TCF25: variants seen among roughly 807,000 people sequenced by gnomAD.
TCF25 encodes ribosome quality control complex subunit TCF25.
Under a neutral mutation model 83.1 loss-of-function variants are expected in TCF25, and 41 were observed. The observed-to-expected ratio is 0.49, with a 90% CI of 0.38 to 0.64. The LOEUF is 0.64. TCF25 is among the 30% of genes least tolerant of loss of function. The pLI is 0.00. For synonymous variants in TCF25, 458 were observed against 365.0 expected (o/e 1.25, Z -2.90); for missense variants, 979 against 914.5 (o/e 1.07, Z -0.91).
intron 1 of TCF25, chr16:89,874,757 T>G (rs1217994405): frequency 6.6e-6 from 1 of 151,190 alleles, no homozygotes; most frequent in Non-Finnish European, 1.5e-5. Context: ...CAGGTGGATG[T>G]CACCACGCCC....
At chr16:89,897,947 C>T (rs562555231) in intron 9 of TCF25, among the ~76,000 whole-genome samples, 1 of 152,102 alleles carries the variant, frequency 6.6e-6, no homozygotes, top group African/African-American at 2.4e-5. Flanking sequence ...ACTAAAAATA[C>T]AAAAAATCAG....
intron 17 of TCF25, among the ~76,000 whole-genome samples, 161 bp downstream of exon 17, chr16:89,910,824 G>A (rs561308200): frequency 2.2e-4 from 33 of 152,364 alleles, no homozygotes; most frequent in African/African-American, 7.2e-4. Context: ...CCATTCTGCC[G>A]GGGAAACTGG....
At chr16:89,910,522 C>A in intron 16 of TCF25, 69 bp from the exon 17 acceptor site, 1 of 1,552,898 alleles carries the variant, frequency 6.4e-7, no homozygotes, top group Non-Finnish European at 8.9e-7. Flanking sequence ...CAGGCAGCCC[C>A]GTGAGCCGGG....
At chr16:89,886,167 C>T in intron 4 of TCF25, 1 of 568,284 alleles carries the variant, frequency 1.8e-6, no homozygotes, top group South Asian at 1.6e-5. Context: ...GTGGCTCACG[C>T]CTGTAATCCC....
At chr16:89,907,994 C>T (rs2045079440) in intron 16 of TCF25, among the ~76,000 whole-genome samples, 1 of 143,646 alleles carries the variant, frequency 7.0e-6, no homozygotes, top group Non-Finnish European at 1.5e-5. Flanking sequence ...TCCCGCCTCC[C>T]ACCTCCCAGC....
chr16:89,895,450 C>G (rs2043776238), intron 8 of TCF25, among the ~76,000 whole-genome samples: 1 of 152,176 alleles, frequency 6.6e-6, no homozygotes, highest in South Asian at 2.1e-4. Flanking sequence ...TTGTGATCCA[C>G]CCACCTCAGC....
chr16:89,895,497 C>T (rs763887209), intron 8 of TCF25, among the ~76,000 whole-genome samples: 8 of 152,228 alleles, frequency 5.3e-5, no homozygotes, highest in Non-Finnish European at 1.0e-4. Context: ...TGAGCCACCA[C>T]GCCCCGCCCT....
chr16:89,893,356 C>G (rs539956766), intron 6 of TCF25, among the ~76,000 whole-genome samples: 144 of 152,334 alleles, frequency 9.5e-4, no homozygotes, highest in African/African-American at 3.1e-3. Context: ...CCACCCCGGA[C>G]ATTCTCCTCA....
chr16:89,895,493 A>G (rs2043778653), intron 8 of TCF25, among the ~76,000 whole-genome samples: 1 of 152,206 alleles, frequency 6.6e-6, no homozygotes, highest in African/African-American at 2.4e-5. Context: ...GGCATGAGCC[A>G]CCACGCCCCG....
rs114567237 is a variant in TCF25 at position 89,898,777 on chromosome 16, G to A, written c.1126G>A (p.Asp376Asn). 6.2e-7 allele frequency: 1 copy of A among 1,613,840 alleles called. No homozygotes were observed. Among genetic ancestry groups the A allele is most frequent in the African/African-American group, 1.3e-5 (1 of 75,050 alleles). The part of the protein sequence containing the change: ...YCKLILSLEP[D>N]EDPLCMLLLI... The stretch of plus-strand genomic sequence containing the variant: ...TGCTGCCTCCGGAAGTCTCGAGCCG[G>A]ATGAGGACCCCCTCTGCATGCTGCT... Residue 376 changes from aspartate (D) to asparagine (N), a missense_variant, in exon 11 of 18, where the codon GAT becomes AAT. Physicochemically the swap from Asp to Asn is conservative, Grantham distance 23. Coordinates refer to ENST00000263346, the MANE Select transcript of TCF25 (RefSeq NM_014972.3).
At position 89,910,669 on chromosome 16, in the gene TCF25, T is replaced by C; in HGVS notation, c.1872+6T>C. On this transcript the variant is annotated splice_donor_region_variant and intron_variant, in intron 17 of 17. Coordinates refer to ENST00000263346, the MANE Select transcript of TCF25 (RefSeq NM_014972.3). ...TGCCAAACTATACCATGGAGGTAGGTTGAGCTCGTCCCAGCCCCTGCCTCC... is the reference window on the plus strand; with the variant it reads ...TGCCAAACTATACCATGGAGGTAGGCTGAGCTCGTCCCAGCCCCTGCCTCC... 3 of 1,613,328 alleles carry C rather than the reference T, an allele frequency of 1.9e-6. No individual in the cohort carries two copies. The highest frequency in any genetic ancestry group is 2.5e-6 in the Non-Finnish European group (3 of 1,179,944).
In TCF25 at chr16:89,904,946, C is replaced by G. The variant is rs1170503945; in HGVS notation, c.1478C>G (p.Pro493Arg). 1.2e-6 allele frequency: 2 copies of G among 1,606,552 alleles called. No individual in the cohort carries two copies. The highest frequency in any genetic ancestry group is 2.7e-5 in the African/African-American group (2 of 74,756). ...FGPNAEISQP[P>R]ALSQLVNLYL... ...CCCTTGCTCTCCCCCAGCCAGCCCC[C>G]TGCCCTGAGCCAGCTGGTGAACCTG... is the stretch of plus-strand genomic sequence containing the variant. Residue 493 changes from proline to arginine, a missense_variant, in exon 14 of 18, where the codon CCT (proline) becomes CGT (arginine). Coordinates refer to ENST00000263346, the MANE Select transcript of TCF25 (RefSeq NM_014972.3).
chr16:89,879,938 C>A (rs1034496062), intron 1 of TCF25, among the ~76,000 whole-genome samples: 2 of 151,606 alleles, frequency 1.3e-5, no homozygotes, highest in Non-Finnish European at 1.5e-5. Context: ...GGCTCCTGGG[C>A]CTATCATGTG....
rs542194128 is a variant in TCF25 at position 89,906,164 on chromosome 16, C to T, written c.1629-30C>T. 45 of 1,599,166 alleles carry T rather than the reference C, an allele frequency of 2.8e-5. No homozygotes were observed. The South Asian group carries it at 4.4e-4, about 16-fold the overall frequency. ...TACCATTTCATTTGCTGTGCTTTAT[C>T]TGCTGTGCCTTGTTTCTCCCCGGCC... On this transcript the variant is annotated intron_variant, in intron 14 of 17. Coordinates refer to ENST00000263346, the MANE Select transcript of TCF25 (RefSeq NM_014972.3).
chr16:89,907,959 C>T lies in TCF25; in HGVS notation c.1799+637C>T, dbSNP rs141234032. Among the ~76,000 whole-genome samples, 562 of 136,556 alleles carry T rather than the reference C, an allele frequency of 4.1e-3. 8 individuals are homozygous for T. The highest frequency in any genetic ancestry group is 0.03 in the South Asian group (107 of 3,592). 89.6% of individuals were successfully genotyped at this position (136,556 alleles called of 152,430 possible). On this transcript the variant is annotated intron_variant, in intron 16 of 17. Transcript: ENST00000263346. ...TTCCCAGCTCCCACCTCCCTCCTCCCGCCGCCTAGCTCCCACCTCCCAGCT... is the reference window on the plus strand; with the variant it reads ...TTCCCAGCTCCCACCTCCCTCCTCCTGCCGCCTAGCTCCCACCTCCCAGCT...
Position 89,900,624 on chromosome 16 carries a change from G to T in TCF25, c.1222-11G>T, listed in dbSNP as rs138749091. 52 of 1,564,864 alleles carry T rather than the reference G, an allele frequency of 3.3e-5. 2 individuals are homozygous for T. The South Asian group carries it at 4.2e-4, about 13-fold the overall frequency. ...TTAAGGCTCCACGCTCTGTTTCTTC[G>T]TCCCTCGTAGGCTCATCGGAACCTG... On this transcript the variant is annotated splice_polypyrimidine_tract_variant and intron_variant, in intron 11 of 17. Coordinates refer to ENST00000263346, the MANE Select transcript of TCF25 (RefSeq NM_014972.3).
At chr16:89,899,912 C>G (rs997621397) in intron 11 of TCF25, among the ~76,000 whole-genome samples, 2 of 152,072 alleles carry the variant, frequency 1.3e-5, no homozygotes, top group African/African-American at 4.8e-5. Context: ...AGCACATGTT[C>G]ATGGATAATG....
In TCF25 at chr16:89,905,085, C is replaced by G; in HGVS notation, c.1617C>G (p.Ala539=). The change falls in exon 14 of 18, where the codon GCC becomes GCG. Residue 539 remains alanine (A), a synonymous_variant. Coordinates refer to ENST00000263346, the MANE Select transcript of TCF25 (RefSeq NM_014972.3). ...ACGCCGGGGACCCAGCCGTGGAAGC[C>G]TGTGAGAACCGGTGAGCTAGGGGTT... ...AVDAGDPAVE[A]CENRRKVLYQ... 1 of 1,596,872 alleles carries G rather than the reference C, an allele frequency of 6.3e-7. No homozygotes were observed. The highest frequency in any genetic ancestry group is 2.3e-5 in the East Asian group (1 of 44,420).
intron 16 of TCF25, among the ~76,000 whole-genome samples, chr16:89,908,626 G>A (rs62654256): frequency 2.0e-4 from 2 of 10,104 alleles, no homozygotes; most frequent in African/African-American, 7.4e-4. Flanking sequence ...CCACCTCCCA[G>A]CTCCCACCTC....
Sources: allele counts gnomAD v4.1 joint callset (sites outside exome capture counted in the v4.1 genomes callset), GRCh38; gene constraint gnomAD v4.1.1; transcripts MANE v1.5; gene names NCBI Gene and HGNC (gene_info 2026-07-23, HGNC 2026-07-21).